The following PTK2 variants were observed in gnomAD, a reference collection of about 807,000 sequenced individuals.
PTK2 encodes focal adhesion kinase 1.
A neutral mutation model predicts 150.1 loss-of-function variants in PTK2; 45 were observed. The observed-to-expected ratio is 0.30, with a 90% CI of 0.24 to 0.38. PTK2 has a LOEUF of 0.38. Among genes scored for constraint, PTK2 ranks in the 10% least tolerant of loss-of-function variants. The pLI is 1.00. For missense variants in PTK2, 919 were observed against 1,307.3 expected, an observed-to-expected ratio of 0.70 and a Z score of 4.58; for synonymous variants, 432 against 449.2, an observed-to-expected ratio of 0.96 and a Z score of 0.48.
At chr8:140,837,549 T>C (rs1417600315) in intron 7 of PTK2, among the ~76,000 whole-genome samples, 1 of 151,576 alleles carries the variant, frequency 6.6e-6, no homozygotes, top group African/African-American at 2.4e-5. Context: ...GCCAACATGA[T>C]GAAACCCCAT....
At chr8:140,945,771 AAC>A (rs1312210728) in intron 1 of PTK2, among the ~76,000 whole-genome samples, 1 of 152,190 alleles carries the variant, frequency 6.6e-6, no homozygotes, top group African/African-American at 2.4e-5. Context: ...AAGGTAACAC[AAC>A]ACAGGCTTTT....
chr8:140,669,336 TATATAC>T (rs2094379080), intron 29 of PTK2: 1 of 106,506 alleles, frequency 9.4e-6, no homozygotes, highest in Non-Finnish European at 2.0e-5. Flanking sequence ...TATATATATA[TATATAC>T]ACTTTTTAAA....
In PTK2 at chr8:140,851,941, G is replaced by A. The variant is rs142654613; in HGVS notation, c.451-5263C>T. 1.7e-3 allele frequency among the ~76,000 whole-genome samples: 255 copies of A among 151,850 alleles called. 1 individual carries two copies. The highest frequency in any genetic ancestry group is 5.7e-3 in the African/African-American group (235 of 41,400). Reference sequence around the variant, plus strand: ...AACATTTGATGTTGAGTGTGTGTGTGCCCGTGTGTGTACTTGGGTGGGAGC... The same window carrying A: ...AACATTTGATGTTGAGTGTGTGTGTACCCGTGTGTGTACTTGGGTGGGAGC... On this transcript the variant is annotated intron_variant, in intron 5 of 31. Transcript: ENST00000522684.
In PTK2 at chr8:140,918,831, GA is replaced by G. The variant is rs1172225514; in HGVS notation, c.-33+6829del. ...CAGATAGAGATTTGTATATTCTTTG[GA>G]TTTGAGCTTTTCACTGTGTCTTTAT... is the stretch of plus-strand genomic sequence containing the variant. On this transcript the variant is annotated intron_variant, in intron 2 of 31. Coordinates refer to ENST00000522684, the Ensembl canonical transcript of PTK2. 2.0e-5 allele frequency among the ~76,000 whole-genome samples: 3 copies of G among 152,222 alleles called. No homozygotes were observed. The East Asian group carries it at 5.8e-4, about 29-fold the overall frequency.
At chr8:140,921,244 G>A in intron 2 of PTK2, 9 of 604,850 alleles carry the variant, frequency 1.5e-5, no homozygotes, top group Non-Finnish European at 2.0e-5. Flanking sequence ...AGGAGAAAGA[G>A]GGAGGGAAAA....
chr8:141,000,139 G>A (rs545829030), intron 1 of PTK2, among the ~76,000 whole-genome samples: 160 of 104,976 alleles, frequency 1.5e-3, no homozygotes, highest in African/African-American at 6.0e-3. Flanking sequence ...CTTCTTCTAA[G>A]AAAGAACAGG....
At chr8:140,985,485 T>G (rs551712971) in intron 1 of PTK2, among the ~76,000 whole-genome samples, 1 of 152,136 alleles carries the variant, frequency 6.6e-6, no homozygotes. Flanking sequence ...GAAATCAAAT[T>G]TAAGATGCTT....
At chr8:140,672,674 G>A (rs898089540) in intron 29 of PTK2, among the ~76,000 whole-genome samples, 8 of 152,184 alleles carry the variant, frequency 5.3e-5, no homozygotes, top group African/African-American at 1.9e-4. Flanking sequence ...GCAAACCTGT[G>A]CCCTCTAAGC....
chr8:140,931,575 A>T (rs908066361), intron 1 of PTK2, among the ~76,000 whole-genome samples: 70 of 152,292 alleles, frequency 4.6e-4, no homozygotes, highest in African/African-American at 1.7e-3. Context: ...TTTTAAAAAA[A>T]ATTTTTAAAT....
At chr8:140,817,254 T>TG (rs1215388776) in intron 10 of PTK2, among the ~76,000 whole-genome samples, 3 of 141,416 alleles carry the variant, frequency 2.1e-5, no homozygotes, top group Non-Finnish European at 4.6e-5. Context: ...GGGCAGGGGG[T>TG]GGGGGGTTAC....
At chr8:140,727,187 T>C (rs1272641888) in intron 22 of PTK2, among the ~76,000 whole-genome samples, 2 of 152,190 alleles carry the variant, frequency 1.3e-5, no homozygotes, top group Non-Finnish European at 2.9e-5. Context: ...CTTTGGCAAA[T>C]TGTGCAAAGA....
At position 140,993,174 on chromosome 8, in the gene PTK2, A is replaced by T. The variant is rs569321335; in HGVS notation, c.-122+7951T>A. ...CCAAGTCTGATAGTAGTAATTTTAA[A>T]TACAGTAGACAAAGGTGAAAAAGAT... On this transcript the variant is annotated intron_variant, in intron 1 of 31. Coordinates refer to ENST00000522684, the Ensembl canonical transcript of PTK2. 2.3e-3 allele frequency among the ~76,000 whole-genome samples: 356 copies of T among 152,354 alleles called. 4 individuals are homozygous for T. Among genetic ancestry groups the T allele is most frequent in the African/African-American group, 8.3e-3 (344 of 41,572 alleles).
At chr8:140,705,877 G>A (rs2100033435) in intron 24 of PTK2, among the ~76,000 whole-genome samples, 1 of 152,132 alleles carries the variant, frequency 6.6e-6, no homozygotes, top group South Asian at 2.1e-4. Flanking sequence ...GGATGAAAAC[G>A]TGCCTAAGAA....
chr8:140,938,223 C>T (rs1341660099), intron 1 of PTK2, among the ~76,000 whole-genome samples: 1 of 152,130 alleles, frequency 6.6e-6, no homozygotes, highest in East Asian at 1.9e-4. Flanking sequence ...GACCAAATAC[C>T]AGAGTGCTTT....
chr8:140,679,444 A>T (rs1348008263), intron 27 of PTK2, among the ~76,000 whole-genome samples: 1 of 152,166 alleles, frequency 6.6e-6, no homozygotes, highest in Non-Finnish European at 1.5e-5. Flanking sequence ...AATCTAGCCA[A>T]TGTGTGCTCA....
chr8:140,965,371 C>T (rs2100184876), intron 1 of PTK2, among the ~76,000 whole-genome samples: 1 of 152,144 alleles, frequency 6.6e-6, no homozygotes, highest in African/African-American at 2.4e-5. Context: ...TGTCTCACCC[C>T]AGGTTAGATG....
At chr8:140,959,880 G>T (rs995537949) in intron 1 of PTK2, among the ~76,000 whole-genome samples, 18 of 151,636 alleles carry the variant, frequency 1.2e-4, no homozygotes, top group African/African-American at 4.1e-4. Flanking sequence ...GCTGGGCATG[G>T]TGGCACATGC....
At chr8:140,663,132 A>C in intron 31 of PTK2, 1 of 186,322 alleles carries the variant, frequency 5.4e-6, no homozygotes, top group East Asian at 1.2e-4. Context: ...ATGTAGGACA[A>C]TGGCCTTGTT....
intron 2 of PTK2, among the ~76,000 whole-genome samples, chr8:140,923,963 C>T (rs377326394): frequency 5.9e-5 from 9 of 152,274 alleles, no homozygotes; most frequent in East Asian, 5.8e-4. Flanking sequence ...CTGATCCTTC[C>T]AAAACATCAA....
Sources: allele counts gnomAD v4.1 joint callset (sites outside exome capture counted in the v4.1 genomes callset), GRCh38; gene constraint gnomAD v4.1.1; transcripts MANE v1.5; gene names NCBI Gene and HGNC (gene_info 2026-07-23, HGNC 2026-07-21).